BCAS3: variants seen among roughly 807,000 people sequenced by gnomAD.
BCAS3 encodes BCAS4/BCAS3 fusion.
In BCAS3, 53 loss-of-function variants were observed where a neutral mutation model predicts 116.1. The observed-to-expected ratio is 0.46, with a 90% CI of 0.37 to 0.57. The LOEUF is 0.57. Among genes scored for constraint, BCAS3 ranks in the 20% least tolerant of loss-of-function variants. The pLI is 0.00. For missense variants in BCAS3, 917 were observed against 1,165.4 expected (o/e 0.79, Z 3.10); for synonymous variants, 391 against 408.2 (o/e 0.96, Z 0.51).
chr17:60,933,130 G>A (rs1197509727), intron 13 of BCAS3, among the ~76,000 whole-genome samples: 3 of 151,790 alleles, frequency 2.0e-5, no homozygotes. Context: ...TGGTGCCACT[G>A]TACTCCAGCT....
chr17:60,963,737 A>G (rs1158921503), intron 14 of BCAS3, among the ~76,000 whole-genome samples: 3 of 151,930 alleles, frequency 2.0e-5, no homozygotes, highest in Admixed American at 1.3e-4. Flanking sequence ...TTGTATTTTT[A>G]GTAGAGACAG....
At chr17:61,292,478 C>G (rs890824485) in intron 22 of BCAS3, among the ~76,000 whole-genome samples, 3 of 151,952 alleles carry the variant, frequency 2.0e-5, no homozygotes, top group African/African-American at 7.3e-5. Context: ...GTGGCAAAAC[C>G]CCATCTCTAC....
At chr17:61,237,479 C>A (rs958015009) in intron 22 of BCAS3, among the ~76,000 whole-genome samples, 2 of 152,212 alleles carry the variant, frequency 1.3e-5, no homozygotes, top group Admixed American at 6.5e-5. Flanking sequence ...CTGAGGCCCC[C>A]TAGCAGGCTG....
At chr17:60,978,713 C>T (rs1302248515) in intron 14 of BCAS3, among the ~76,000 whole-genome samples, 4 of 152,012 alleles carry the variant, frequency 2.6e-5, no homozygotes, top group Non-Finnish European at 4.4e-5. Flanking sequence ...TTTCAGCTTT[C>T]TACATATGGC....
At chr17:60,975,001 T>TTG (rs2062225307) in intron 14 of BCAS3, among the ~76,000 whole-genome samples, 2 of 147,980 alleles carry the variant, frequency 1.4e-5, no homozygotes, top group African/African-American at 5.1e-5. Flanking sequence ...GCTTTTTTGT[T>TTG]TTTTTTTTTT....
In BCAS3 at chr17:61,037,448, C is replaced by T. The variant is rs1396551978; in HGVS notation, c.1763-441C>T. 6.6e-6 allele frequency among the ~76,000 whole-genome samples: 1 copy of T among 152,160 alleles called. No homozygotes were observed. Among genetic ancestry groups the T allele is most frequent in the Non-Finnish European group, 1.5e-5 (1 of 68,026 alleles). On this transcript the variant is annotated intron_variant, in intron 17 of 23. Coordinates refer to ENST00000407086, the MANE Select transcript of BCAS3 (RefSeq NM_017679.5). This position sits in a 1 kb window ranked among gnomAD's most constrained non-coding sequence, Gnocchi z 4.7. Reference sequence around the variant, plus strand: ...ACTAGCATGTGCTTATACGAGGCAACCTTTAGGCAAGGAACAAGCACCATA... The same window carrying T: ...ACTAGCATGTGCTTATACGAGGCAATCTTTAGGCAAGGAACAAGCACCATA...
chr17:61,189,117 CA>C lies in BCAS3; in HGVS notation c.2425+104560del, dbSNP rs1192486201. On this transcript the variant is annotated intron_variant, in intron 22 of 23. Transcript: ENST00000407086. This position sits in a 1 kb window ranked among gnomAD's most constrained non-coding sequence, Gnocchi z 4.5. ...GACCCTGCCTGAAAACAAAACAAAA[CA>C]AAAAAAGAGAGAGAGAGAGAGAACA... 6.6e-6 allele frequency among the ~76,000 whole-genome samples: 1 copy of C among 151,370 alleles called. No homozygotes were observed. Among genetic ancestry groups the C allele is most frequent in the Non-Finnish European group, 1.5e-5 (1 of 67,796 alleles).
chr17:61,373,808 G>GT lies in BCAS3; in HGVS notation c.2593+5334dup, dbSNP rs1169897447. Among the ~76,000 whole-genome samples the GT allele has an allele frequency of 6.9e-3, 696 of 101,254 alleles. 30 individuals are homozygous for GT. The highest frequency in any genetic ancestry group is 0.029 in the African/African-American group (630 of 22,062). The allele number at this position is 101,254 out of a possible 152,430, so 66.4% of individuals were successfully genotyped here. ...TGCTGTTAACTTCTTCTTCTTCTTT[G>GT]TTTTTTTTTTTTTTTTTTTTGCTCT... On this transcript the variant is annotated intron_variant, in intron 23 of 23. Transcript: ENST00000407086.
intron 22 of BCAS3, among the ~76,000 whole-genome samples, chr17:61,231,869 CAA>C (rs72247548): frequency 7.0e-5 from 7 of 100,430 alleles, no homozygotes; most frequent in Admixed American, 1.1e-4. Flanking sequence ...GACCCTGTCT[CAA>C]AAAAAAAAAA....
At chr17:60,825,514 A>T (rs1189319298) in intron 7 of BCAS3, among the ~76,000 whole-genome samples, 2 of 143,118 alleles carry the variant, frequency 1.4e-5, no homozygotes, top group African/African-American at 5.0e-5. Flanking sequence ...TATTTATAAT[A>T]ATTTATAAAT....
chr17:61,328,073 A>G (rs970431744), intron 22 of BCAS3, among the ~76,000 whole-genome samples: 5 of 152,254 alleles, frequency 3.3e-5, no homozygotes, highest in South Asian at 2.1e-4. Context: ...GGCAAAGGAA[A>G]AAAAATGAAA....
Position 60,816,921 on chromosome 17 carries a change from C to T in BCAS3, c.476+8845C>T, listed in dbSNP as rs557457410. Among the ~76,000 whole-genome samples, 11 of 152,294 alleles carry T rather than the reference C, an allele frequency of 7.2e-5. No individual in the cohort carries two copies. In the South Asian group the frequency reaches 2.3e-3, roughly 32 times the overall value. ...GGGTTATAGCAGGCAGTTTCAGCAG[C>T]TGGGCTTTACGGCTAATTTTTGGAG... On this transcript the variant is annotated intron_variant, in intron 7 of 23. Coordinates refer to ENST00000407086, the MANE Select transcript of BCAS3 (RefSeq NM_017679.5).
At chr17:61,197,061 A>G (rs2080523855) in intron 22 of BCAS3, among the ~76,000 whole-genome samples, 2 of 152,338 alleles carry the variant, frequency 1.3e-5, no homozygotes, top group South Asian at 4.2e-4. Context: ...AATATATCCA[A>G]CAGAATAACA....
chr17:60,880,092 T>C (rs1295392681), intron 9 of BCAS3, among the ~76,000 whole-genome samples: 2 of 152,220 alleles, frequency 1.3e-5, no homozygotes, highest in Admixed American at 6.5e-5. Context: ...TTTCATTCTC[T>C]GCACACAATT....
rs779825112 is a variant in BCAS3, at chr17:61,307,548, G to A, written c.2426-60779G>A. ...TGTCTTCTGTGTTTGGTGTCTACCT[G>A]TGTAAAATAGGAATAATCCCAATCT... is the stretch of plus-strand genomic sequence containing the variant. On this transcript the variant is annotated intron_variant, in intron 22 of 23. Coordinates refer to ENST00000407086, the MANE Select transcript of BCAS3 (RefSeq NM_017679.5). This position sits in a 1 kb window ranked among gnomAD's most constrained non-coding sequence, Gnocchi z 4.7. 3.9e-5 allele frequency among the ~76,000 whole-genome samples: 6 copies of A among 152,200 alleles called. No individual in the cohort carries two copies. The highest frequency in any genetic ancestry group is 7.2e-5 in the African/African-American group (3 of 41,450).
intron 19 of BCAS3, among the ~76,000 whole-genome samples, chr17:61,052,496 G>A (rs1250699064): frequency 6.6e-6 from 1 of 152,092 alleles, no homozygotes; most frequent in Non-Finnish European, 1.5e-5. Context: ...GTAAAAGCAA[G>A]TGATTAGAAG....
chr17:60,799,478 A>G (rs2047505609), intron 6 of BCAS3, among the ~76,000 whole-genome samples: 1 of 150,532 alleles, frequency 6.6e-6, no homozygotes, highest in South Asian at 2.1e-4. Flanking sequence ...CAAGACTGTT[A>G]CATAGTAGAA....
Position 61,346,049 on chromosome 17 carries a change from T to C in BCAS3, c.2426-22278T>C, listed in dbSNP as rs987413961. Among the ~76,000 whole-genome samples the C allele has an allele frequency of 6.6e-6, 1 of 152,198 alleles. No individual in the cohort carries two copies. The highest frequency in any genetic ancestry group is 2.4e-5 in the African/African-American group (1 of 41,446). On this transcript the variant is annotated intron_variant, in intron 22 of 23. Coordinates refer to ENST00000407086, the MANE Select transcript of BCAS3 (RefSeq NM_017679.5). This position sits in a 1 kb window ranked among gnomAD's most constrained non-coding sequence, Gnocchi z 5.4. ...AAGGCCAAAGGTGTTGGCTTGGTCA[T>C]GCACCTGACATCATACTTTTAGTGC...
In BCAS3 at chr17:61,134,594, T is replaced by TAA. The variant is rs2076520130; in HGVS notation, c.2425+50031_2425+50032insAA. 6.6e-6 allele frequency among the ~76,000 whole-genome samples: 1 copy of TAA among 152,244 alleles called. No individual in the cohort carries two copies. The highest frequency in any genetic ancestry group is 2.1e-4 in the South Asian group (1 of 4,832). On this transcript the variant is annotated intron_variant, in intron 22 of 23. Transcript: ENST00000407086. The surrounding 1 kb of genome is among the most constrained non-coding windows in gnomAD (Gnocchi z 4.6). ...TATTTTAAAGTCGAGAGAACTGTGT[T>TAA]ATGGTGGGACATTTAGAGACAAACT...
Sources: allele counts gnomAD v4.1 joint callset (sites outside exome capture counted in the v4.1 genomes callset), GRCh38; gene constraint gnomAD v4.1.1; non-coding constraint Gnocchi (gnomAD v3.1); transcripts MANE v1.5; gene names NCBI Gene and HGNC (gene_info 2026-07-23, HGNC 2026-07-21).